The following VNN2 variants were observed in gnomAD, a reference collection of about 807,000 sequenced individuals.
The protein encoded by VNN2 is vanin 2.
A neutral mutation model predicts 43.0 loss-of-function variants in VNN2; 43 were observed. That is an observed-to-expected ratio of 1.00 (90% confidence interval 0.78 to 1.29). VNN2 has a LOEUF of 1.29. Ranked by LOEUF, VNN2 falls within the 50% of genes most tolerant of loss-of-function variation. The pLI is 0.00. For synonymous variants in VNN2, 230 were observed against 224.3 expected, an observed-to-expected ratio of 1.03 and a Z score of -0.23; for missense variants, 652 against 619.7, an observed-to-expected ratio of 1.05 and a Z score of -0.55.
chr6:132,750,827 TAAG>T (rs937247258), intron 5 of VNN2, among the ~76,000 whole-genome samples: 6 of 152,152 alleles, frequency 3.9e-5, no homozygotes, highest in African/African-American at 7.2e-5. Flanking sequence ...CAAACCCACT[TAAG>T]GAAGTCTTCT....
At chr6:132,759,868 A>G (rs768559747), upstream of VNN2, among the ~76,000 whole-genome samples, 1 of 152,182 alleles carries the variant, frequency 6.6e-6, no homozygotes, top group Non-Finnish European at 1.5e-5. Flanking sequence ...TTTTTAGCAG[A>G]TTGTATAATA....
At chr6:132,757,915 A>G, upstream of VNN2, 1 of 1,588,364 alleles carries the variant, frequency 6.3e-7, no homozygotes, top group South Asian at 1.1e-5. Context: ...GAAAGCAAAA[A>G]TAACATTCAT....
At chr6:132,760,779 T>C (rs996093352), upstream of VNN2, 1 of 152,166 alleles carries the variant, frequency 6.6e-6, no homozygotes, top group Non-Finnish European at 1.5e-5. Flanking sequence ...TGTTCCCAAA[T>C]CTGGATGTTT....
rs34245488 is a variant in VNN2, at chr6:132,745,925, G to A, written c.1372-1434C>T. ...GAAAATTGGGAAATTAGTTGGAGTG[G>A]AGAAGAAATTGAAAATTAGGAAAAC... On this transcript the variant is annotated intron_variant, in intron 6 of 6. Transcript: ENST00000326499. Among the ~76,000 whole-genome samples, 504 of 152,330 alleles carry A rather than the reference G, an allele frequency of 3.3e-3. 1 individual carries two copies. The highest frequency in any genetic ancestry group is 5.1e-3 in the Non-Finnish European group (350 of 68,020).
chr6:132,750,936 A>G (rs1053529677), intron 5 of VNN2, among the ~76,000 whole-genome samples: 41 of 152,252 alleles, frequency 2.7e-4, no homozygotes, highest in Admixed American at 2.0e-3. Flanking sequence ...AAGCAATAAG[A>G]TTATACTTAA....
rs887819890 is a variant in VNN2 at position 132,744,454 on chromosome 6, G to A, written c.1409C>T (p.Ser470Leu). ...TGACACTGTTAGTATAGGCCCAGAT[G>A]ATCCATTCTTGTTTACCAAACGCCC... ...KDGRLVNKNG[S>L]SGPILTVSLF... The change falls in exon 7 of 7, where the codon TCA (serine) becomes TTA (leucine). Residue 470 changes from serine (S) to leucine (L), a missense_variant. Physicochemically the swap from Ser to Leu is moderately radical, Grantham distance 145. Coordinates refer to ENST00000326499, the MANE Select transcript of VNN2 (RefSeq NM_004665.6). 1.9e-6 allele frequency: 3 copies of A among 1,598,610 alleles called. No individual in the cohort carries two copies. The highest frequency in any genetic ancestry group is 1.7e-6 in the Non-Finnish European group (2 of 1,174,290).
chr6:132,748,486 A>G (rs755706132), intron 6 of VNN2, among the ~76,000 whole-genome samples: 4 of 152,208 alleles, frequency 2.6e-5, no homozygotes, highest in Non-Finnish European at 5.9e-5. Flanking sequence ...ACATGACCAT[A>G]AGCAATCTGC....
At chr6:132,758,716 C>A (rs911205091), upstream of VNN2, among the ~76,000 whole-genome samples, 3 of 151,938 alleles carry the variant, frequency 2.0e-5, no homozygotes, top group African/African-American at 7.3e-5. Flanking sequence ...ATATTGATAA[C>A]AAAATTTACC....
chr6:132,761,064 T>C (rs141011746), upstream of VNN2, among the ~76,000 whole-genome samples: 493 of 152,302 alleles, frequency 3.2e-3, 2 homozygotes, highest in African/African-American at 0.011. Context: ...ATATTTGCTG[T>C]AGAGGTCATT....
Position 132,749,785 on chromosome 6 carries a change from T to C in VNN2, c.1281A>G (p.Glu427=), listed in dbSNP as rs376955637. The C allele has an allele frequency of 5.6e-6, 9 of 1,613,998 alleles. No homozygotes were observed. Among genetic ancestry groups the C allele is most frequent in the Middle Eastern group, 1.6e-4 (1 of 6,084 alleles). ...CAAATGTGCCACTGAGGGAGAACAT[T>C]TCAAATCTTGTAGAAGCAGTTTCTA... ...RPVETASTRF[E]MFSLSGTFGT... is the part of the protein sequence containing the mutation. The change falls in exon 6 of 7, where the codon GAA becomes GAG. Residue 427 remains glutamate (E), a synonymous_variant. Transcript: ENST00000326499.
At chr6:132,757,327 T>A in intron 2 of VNN2, 89 bp downstream of exon 2, 2 of 1,466,240 alleles carry the variant, frequency 1.4e-6, no homozygotes, top group African/African-American at 1.4e-5. Flanking sequence ...ACCACATATA[T>A]GGTAATTCAA....
At chr6:132,756,753 T>C (rs1440568724) in intron 2 of VNN2, among the ~76,000 whole-genome samples, 1 of 152,208 alleles carries the variant, frequency 6.6e-6, no homozygotes, top group African/African-American at 2.4e-5. Context: ...TCTAACTCAC[T>C]CCACAGGTGA....
intron 6 of VNN2, among the ~76,000 whole-genome samples, chr6:132,746,904 A>G (rs548705035): frequency 1.3e-5 from 2 of 148,786 alleles, no homozygotes; most frequent in African/African-American, 5.0e-5. Flanking sequence ...CATGCCACAG[A>G]GAATCTACAC....
upstream of VNN2, among the ~76,000 whole-genome samples, chr6:132,760,220 G>A (rs1038602786): frequency 1.3e-5 from 2 of 152,088 alleles, no homozygotes; most frequent in Non-Finnish European, 2.9e-5. Context: ...TATTGCTCAG[G>A]CTGGAGTGCA....
upstream of VNN2, chr6:132,757,937 A>G: frequency 6.7e-7 from 1 of 1,487,892 alleles, no homozygotes; most frequent in African/African-American, 1.4e-5. Context: ...TAGTATTTAC[A>G]GAGGGGAGAA....
chr6:132,752,989 G>A, intron 3 of VNN2: 4 of 432,676 alleles, frequency 9.2e-6, no homozygotes, highest in Non-Finnish European at 1.6e-5. Flanking sequence ...CTCTCTCTCA[G>A]TTAAGAGCCA....
In VNN2 at chr6:132,749,688, C is replaced by T. The variant is rs777869925; in HGVS notation, c.1371+7G>A. ...AAATGAAAATACTCTTATAAAAGTC[C>T]TCTTACCTCAAATTTTCCAGGTGAC... On this transcript the variant is annotated splice_region_variant and intron_variant, in intron 6 of 6. Transcript: ENST00000326499. The T allele has an allele frequency of 1.7e-5, 28 of 1,609,388 alleles. No individual in the cohort carries two copies. Among genetic ancestry groups the T allele is most frequent in the South Asian group, 2.2e-5 (2 of 90,472 alleles).
upstream of VNN2, among the ~76,000 whole-genome samples, chr6:132,759,901 T>C (rs1352883884): frequency 6.6e-6 from 1 of 152,236 alleles, no homozygotes; most frequent in Non-Finnish European, 1.5e-5. Context: ...ATAACCATAC[T>C]ATCTAGTGTA....
At position 132,750,511 on chromosome 6, in the gene VNN2, A is replaced by ATT. The variant is rs760269023; in HGVS notation, c.1200+633_1200+634insAA. Among the ~76,000 whole-genome samples the ATT allele has an allele frequency of 2.0e-3, 145 of 71,660 alleles. 5 individuals are homozygous for ATT. Among genetic ancestry groups the ATT allele is most frequent in the South Asian group, 6.5e-3 (15 of 2,302 alleles). The allele number at this position is 71,660 out of a possible 152,430, so 47.0% of individuals were successfully genotyped here. Reference sequence around the variant, plus strand: ...TTTGTATATGTGTATATATATATATATATTTTTCCAGGTGTGGTGGCACAT... The same window carrying ATT: ...TTTGTATATGTGTATATATATATATATTTATTTTTCCAGGTGTGGTGGCACAT... On this transcript the variant is annotated intron_variant, in intron 5 of 6. Coordinates refer to ENST00000326499, the MANE Select transcript of VNN2 (RefSeq NM_004665.6).
Sources: gnomAD v4.1 joint callset for allele counts (sites outside exome capture counted in the v4.1 genomes callset) on GRCh38, gnomAD v4.1.1 for gene constraint, MANE v1.5 for transcripts, NCBI Gene and HGNC (gene_info 2026-07-23, HGNC 2026-07-21) for gene names.